PPP1R9A: variants seen among roughly 807,000 people sequenced by gnomAD.
PPP1R9A encodes the protein neurabin-1.
Under a neutral mutation model 141.9 loss-of-function variants are expected in PPP1R9A, and 59 were observed. The observed-to-expected ratio is 0.42, with a 90% confidence interval of 0.34 to 0.52. The LOEUF (loss-of-function observed/expected upper bound fraction) is 0.52, where lower values mean the gene tolerates loss of function less well. PPP1R9A is among the 20% of genes least tolerant of loss of function. The probability of loss-of-function intolerance (pLI) is 0.10; values close to 1 mark genes in which losing one functional copy is unlikely to be tolerated. For missense variants in PPP1R9A, 1,444 were observed against 1,611.9 expected (o/e 0.90, Z 1.78); for synonymous variants, 500 against 569.7 (o/e 0.88, Z 1.74).
chr7:95,231,686 C>T (rs989640945), intron 8 of PPP1R9A, among the ~76,000 whole-genome samples: 1 of 151,936 alleles, frequency 6.6e-6, no homozygotes, highest in Admixed American at 6.6e-5. Flanking sequence ...AAAAGTTATT[C>T]GAACTATATG....
chr7:94,974,353 G>A (rs1294829710), intron 2 of PPP1R9A, among the ~76,000 whole-genome samples: 1 of 152,180 alleles, frequency 6.6e-6, no homozygotes, highest in Non-Finnish European at 1.5e-5. Flanking sequence ...TGGAAATTAG[G>A]AGAATAGTTT....
rs1034474320 is a variant in PPP1R9A, at chr7:95,292,333, G to T, written c.*2030G>T. 6 of 152,516 alleles carry T rather than the reference G, an allele frequency of 3.9e-5. No individual in the cohort carries two copies. The highest frequency in any genetic ancestry group is 2.0e-4 in the Admixed American group (3 of 15,266). The allele number at this position is 152,516 out of a possible 1,614,324, so 9.4% of individuals were successfully genotyped here. On this transcript the variant is annotated 3_prime_UTR_variant, in exon 20 of 20. Coordinates refer to ENST00000433360, the MANE Select transcript of PPP1R9A (RefSeq NM_001166160.2). Reference sequence around the variant, plus strand: ...TTAGTAAAAATCTGGTAATATTAGTGCTTGCTATTGTAAATTTTTGCCATT... The same window carrying T: ...TTAGTAAAAATCTGGTAATATTAGTTCTTGCTATTGTAAATTTTTGCCATT...
At chr7:95,128,653 T>C (rs1410368865) in intron 4 of PPP1R9A, among the ~76,000 whole-genome samples, 1 of 152,196 alleles carries the variant, frequency 6.6e-6, no homozygotes, top group African/African-American at 2.4e-5. Context: ...CTTGGCTCAC[T>C]GCAACCTCTG....
chr7:95,121,471 A>G (rs550071575), intron 4 of PPP1R9A, among the ~76,000 whole-genome samples: 1,581 of 138,584 alleles, frequency 0.011, 24 homozygotes, highest in African/African-American at 0.043. Flanking sequence ...CTATCTATCT[A>G]TCTATCTATC....
At chr7:94,917,003 C>A (rs1396013625) in intron 2 of PPP1R9A, among the ~76,000 whole-genome samples, 1 of 151,974 alleles carries the variant, frequency 6.6e-6, no homozygotes, top group Non-Finnish European at 1.5e-5. Context: ...TTAGTAGAGA[C>A]AGGGTTTTTA....
chr7:95,263,121 G>A (rs1244710084), intron 12 of PPP1R9A, among the ~76,000 whole-genome samples: 1 of 151,952 alleles, frequency 6.6e-6, no homozygotes, highest in Non-Finnish European at 1.5e-5. Context: ...AAGTTCCCTG[G>A]GCTTATATCA....
intron 5 of PPP1R9A, among the ~76,000 whole-genome samples, chr7:95,170,196 A>G (rs1831895281): frequency 6.6e-6 from 1 of 151,672 alleles, no homozygotes; most frequent in East Asian, 1.9e-4. Context: ...ACACAGAAAT[A>G]AAAGACAGGA....
In PPP1R9A at chr7:95,094,879, C is replaced by CAAAAAAAAAAA. The variant is rs1166550834; in HGVS notation, c.1396-16364_1396-16354dup. Among the ~76,000 whole-genome samples, 343 of 44,956 alleles carry CAAAAAAAAAAA rather than the reference C, an allele frequency of 7.6e-3. 33 individuals are homozygous for CAAAAAAAAAAA. Among genetic ancestry groups the CAAAAAAAAAAA allele is most frequent in the Non-Finnish European group, 0.012 (281 of 23,594 alleles). 29.5% of individuals were successfully genotyped at this position (44,956 alleles called of 152,430 possible). Reference sequence around the variant, plus strand: ...TGGGCGACAGAGGGAGACTGCGTCTCAAAAAAAAAAAAAAAAAAAAAAAAA... The same window carrying CAAAAAAAAAAA: ...TGGGCGACAGAGGGAGACTGCGTCTCAAAAAAAAAAAAAAAAAAAAAAAAAAAAAAAAAAAA... On this transcript the variant is annotated intron_variant, in intron 2 of 19. Transcript: ENST00000433360.
At chr7:94,946,364 A>G (rs1357605716) in intron 2 of PPP1R9A, among the ~76,000 whole-genome samples, 1 of 152,108 alleles carries the variant, frequency 6.6e-6, no homozygotes, top group African/African-American at 2.4e-5. Flanking sequence ...ATAACTAGGA[A>G]TCTTAGTTGG....
Position 95,295,328 on chromosome 7 carries a change from T to G in PPP1R9A, c.*5025T>G, listed in dbSNP as rs1397333855. 1 of 152,668 alleles carries G rather than the reference T, an allele frequency of 6.6e-6. No individual in the cohort carries two copies. The highest frequency in any genetic ancestry group is 1.5e-5 in the Non-Finnish European group (1 of 68,040). The allele number at this position is 152,668 out of a possible 1,614,324, so 9.5% of individuals were successfully genotyped here. ...CCTTCTATATGTTTATATATTTTGGTAAAATTGATTTATCAGATACTTGGT... is the reference window on the plus strand; with the variant it reads ...CCTTCTATATGTTTATATATTTTGGGAAAATTGATTTATCAGATACTTGGT... On this transcript the variant is annotated 3_prime_UTR_variant, in exon 20 of 20. Coordinates refer to ENST00000433360, the MANE Select transcript of PPP1R9A (RefSeq NM_001166160.2).
At chr7:95,237,870 A>G (rs1796930317) in intron 8 of PPP1R9A, among the ~76,000 whole-genome samples, 1 of 151,766 alleles carries the variant, frequency 6.6e-6, no homozygotes, top group African/African-American at 2.4e-5. Context: ...ATTTTTTCCA[A>G]CTTATGTATG....
chr7:95,064,570 G>A lies in PPP1R9A; in HGVS notation c.1396-46689G>A, dbSNP rs117671722. 4.9e-3 allele frequency among the ~76,000 whole-genome samples: 748 copies of A among 152,296 alleles called. 3 individuals carry two copies. Among genetic ancestry groups the A allele is most frequent in the Non-Finnish European group, 7.8e-3 (530 of 68,018 alleles). ...AAGAGCTGAAAAATGAAGGAAAAGT[G>A]CACCTTATTTGACCTCAGCTGGGAA... On this transcript the variant is annotated intron_variant, in intron 2 of 19. Coordinates refer to ENST00000433360, the MANE Select transcript of PPP1R9A (RefSeq NM_001166160.2).
chr7:95,222,159 G>A (rs1300957737), intron 7 of PPP1R9A, among the ~76,000 whole-genome samples: 2 of 152,014 alleles, frequency 1.3e-5, no homozygotes, highest in Non-Finnish European at 2.9e-5. Flanking sequence ...AGTGAATTCA[G>A]TGATAATGTT....
intron 4 of PPP1R9A, among the ~76,000 whole-genome samples, chr7:95,137,129 C>T (rs1825793646): frequency 6.6e-6 from 1 of 151,458 alleles, no homozygotes; most frequent in Non-Finnish European, 1.5e-5. Flanking sequence ...TACATGTGCA[C>T]AGCATGCAGG....
At chr7:95,024,469 T>G (rs1399994727) in intron 2 of PPP1R9A, among the ~76,000 whole-genome samples, 1 of 152,200 alleles carries the variant, frequency 6.6e-6, no homozygotes, top group African/African-American at 2.4e-5. Context: ...CTGTAGTGGG[T>G]GCATGTATAT....
chr7:95,285,641 TG>T (rs1429890182), intron 17 of PPP1R9A, among the ~76,000 whole-genome samples: 2 of 152,224 alleles, frequency 1.3e-5, no homozygotes, highest in Non-Finnish European at 2.9e-5. Flanking sequence ...GTGAGAGAGT[TG>T]TATTTCAGCA....
intron 4 of PPP1R9A, among the ~76,000 whole-genome samples, chr7:95,134,581 A>G (rs1433858061): frequency 6.6e-6 from 1 of 152,062 alleles, no homozygotes; most frequent in Non-Finnish European, 1.5e-5. Context: ...GGATTACGGC[A>G]TGTACCACTA....
intron 2 of PPP1R9A, among the ~76,000 whole-genome samples, chr7:94,993,623 T>C (rs1801793592): frequency 6.6e-6 from 1 of 152,226 alleles, no homozygotes; most frequent in African/African-American, 2.4e-5. Flanking sequence ...TTGCTGGGTT[T>C]ATTCCTAAAT....
chr7:94,968,831 GT>G (rs1284486694), intron 2 of PPP1R9A, among the ~76,000 whole-genome samples: 1 of 151,840 alleles, frequency 6.6e-6, no homozygotes, highest in African/African-American at 2.4e-5. Context: ...TGGAGGCTTT[GT>G]TTGTTCCTTT....
Sources: allele counts gnomAD v4.1 joint callset (sites outside exome capture counted in the v4.1 genomes callset), GRCh38; gene constraint gnomAD v4.1.1; transcripts MANE v1.5; gene names NCBI Gene and HGNC (gene_info 2026-07-23, HGNC 2026-07-21).